Variants in WDR20 observed in about 807,000 individuals in gnomAD.
WDR20 encodes the protein WD repeat-containing protein 20.
Under a neutral mutation model 38.7 loss-of-function variants are expected in WDR20, and 3 were observed. The ratio of observed to expected loss-of-function variants is 0.08; its 90% CI spans 0.04 to 0.20. The LOEUF (loss-of-function observed/expected upper bound fraction) is 0.20, where lower values mean the gene tolerates loss of function less well. Among genes scored for constraint, WDR20 ranks in the 10% least tolerant of loss-of-function variants. The pLI, the probability that WDR20 is intolerant of heterozygous loss-of-function variation, is 1.00. For synonymous variants in WDR20, 298 were observed against 285.6 expected (o/e 1.04, Z -0.44); for missense variants, 559 against 727.7 (o/e 0.77, Z 2.67).
chr14:102,178,081 T>C (rs2062549640), intron 1 of WDR20, among the ~76,000 whole-genome samples: 1 of 152,128 alleles, frequency 6.6e-6, no homozygotes, highest in African/African-American at 2.4e-5. Context: ...GAGTTTGAGA[T>C]CTGTATATAT....
At chr14:102,143,771 C>T (rs2052430240) in intron 1 of WDR20, among the ~76,000 whole-genome samples, 1 of 151,972 alleles carries the variant, frequency 6.6e-6, no homozygotes, top group Non-Finnish European at 1.5e-5. Flanking sequence ...TCTCGAACTC[C>T]TGACCTCGTG....
At chr14:102,143,570 A>G (rs2152674520) in intron 1 of WDR20, among the ~76,000 whole-genome samples, 1 of 151,550 alleles carries the variant, frequency 6.6e-6, no homozygotes, top group Admixed American at 6.6e-5. Flanking sequence ...TTTGAGACAA[A>G]GTCTAGCTCT....
chr14:102,216,710 A>C (rs2063261649), downstream of WDR20, among the ~76,000 whole-genome samples: 1 of 152,144 alleles, frequency 6.6e-6, no homozygotes, highest in South Asian at 2.1e-4. Context: ...CGGGTGGATC[A>C]CCTGAGCCCA....
Position 102,187,815 on chromosome 14 carries a change from G to A in WDR20, c.250-7123G>A, listed in dbSNP as rs535848077. ...CCTTTGGGCAGGGGTGCCAGGCAGG[G>A]GACCCAACAGAGCGCCAAGTATAAA... On this transcript the variant is annotated intron_variant, in intron 1 of 2. Coordinates refer to ENST00000342702, the MANE Select transcript of WDR20 (RefSeq NM_144574.4). Among the ~76,000 whole-genome samples the A allele has an allele frequency of 8.5e-5, 13 of 152,278 alleles. 1 individual carries two copies. Among genetic ancestry groups the A allele is most frequent in the Admixed American group, 2.6e-4 (4 of 15,298 alleles).
intron 1 of WDR20, among the ~76,000 whole-genome samples, chr14:102,169,747 C>T (rs141458146): frequency 0.017 from 2,655 of 152,140 alleles, 41 homozygotes; most frequent in Admixed American, 0.029. Context: ...AGGCTGGTCT[C>T]GAACTCTTGA....
intron 1 of WDR20, among the ~76,000 whole-genome samples, chr14:102,154,812 A>G (rs565250586): frequency 6.6e-6 from 1 of 152,330 alleles, no homozygotes; most frequent in East Asian, 1.9e-4. Flanking sequence ...TTCACAGTCT[A>G]TAAAGCATTT....
chr14:102,170,740 C>T (rs909530175), intron 1 of WDR20, among the ~76,000 whole-genome samples: 2 of 151,838 alleles, frequency 1.3e-5, no homozygotes, highest in African/African-American at 4.8e-5. Flanking sequence ...GCGATCGTTC[C>T]ACCTCAGCCT....
intron 1 of WDR20, among the ~76,000 whole-genome samples, chr14:102,143,447 G>A (rs915098149): frequency 5.9e-5 from 9 of 151,874 alleles, no homozygotes; most frequent in Admixed American, 2.0e-4. Flanking sequence ...AGTGACTACT[G>A]TGATAGTAAT....
chr14:102,200,577 C>A (rs1466651102), intron 2 of WDR20, among the ~76,000 whole-genome samples: 4 of 150,466 alleles, frequency 2.7e-5, no homozygotes, highest in African/African-American at 7.3e-5. Context: ...GGAAGAGTTA[C>A]AAAGGGACAG....
At chr14:102,213,294 C>G (rs1344124501), downstream of WDR20, 5 of 985,336 alleles carry the variant, frequency 5.1e-6, no homozygotes, top group Admixed American at 6.1e-5. Context: ...AGCTTGCCTT[C>G]TTTTAAAAGC....
intron 1 of WDR20, among the ~76,000 whole-genome samples, chr14:102,162,176 A>G (rs955704754): frequency 3.9e-5 from 6 of 152,222 alleles, no homozygotes; most frequent in African/African-American, 1.4e-4. Flanking sequence ...CCCAGATGTA[A>G]TAGACATAGT....
At chr14:102,139,670 G>A (rs1485394850), upstream of WDR20, 2 of 653,158 alleles carry the variant, frequency 3.1e-6, no homozygotes, top group African/African-American at 1.8e-5. Context: ...CAGCCATGCC[G>A]CCCGGAGGCC....
At chr14:102,180,306 T>G (rs1245738693) in intron 1 of WDR20, among the ~76,000 whole-genome samples, 1 of 152,206 alleles carries the variant, frequency 6.6e-6, no homozygotes, top group African/African-American at 2.4e-5. Context: ...TTTGTGGAAG[T>G]GGTGGTATAT....
In WDR20 at chr14:102,209,902, T is replaced by G. The variant is rs45622942; in HGVS notation, c.*22T>G. 12,152 of 1,573,536 alleles carry G rather than the reference T, an allele frequency of 7.7e-3. 67 individuals are homozygous for G. The highest frequency in any genetic ancestry group is 0.012 in the South Asian group (1,019 of 85,676). ...TTAATGCTGCACCAGATCTAGAACTTGAATAGGTAGTGACTTTTTTCTTTT... is the reference window on the plus strand; with the variant it reads ...TTAATGCTGCACCAGATCTAGAACTGGAATAGGTAGTGACTTTTTTCTTTT... On this transcript the variant is annotated 3_prime_UTR_variant, in exon 3 of 3. Coordinates refer to ENST00000342702, the MANE Select transcript of WDR20 (RefSeq NM_144574.4). This position sits in a 1 kb window ranked among gnomAD's most constrained non-coding sequence, Gnocchi z 6.0.
At chr14:102,180,903 T>A (rs1380231925) in intron 1 of WDR20, among the ~76,000 whole-genome samples, 1 of 152,236 alleles carries the variant, frequency 6.6e-6, no homozygotes, top group Non-Finnish European at 1.5e-5. Context: ...TTTGCATACA[T>A]CCTTGCTGAC....
At chr14:102,143,116 G>C (rs1472792434) in intron 1 of WDR20, among the ~76,000 whole-genome samples, 1 of 152,038 alleles carries the variant, frequency 6.6e-6, no homozygotes, top group Non-Finnish European at 1.5e-5. Context: ...GCGAACCAAG[G>C]CCAGAGAGGG....
At chr14:102,216,781 T>C (rs563586092), downstream of WDR20, among the ~76,000 whole-genome samples, 154 of 152,154 alleles carry the variant, frequency 1.0e-3, no homozygotes, top group South Asian at 4.8e-3. Flanking sequence ...AATACAAAAA[T>C]TAGCCGGGCG....
chr14:102,145,018 A>G (rs1566780283), intron 1 of WDR20, among the ~76,000 whole-genome samples: 1 of 152,266 alleles, frequency 6.6e-6, no homozygotes, highest in East Asian at 1.9e-4. Context: ...CCTTCCTAGC[A>G]CTTTTCTGAA....
intron 1 of WDR20, among the ~76,000 whole-genome samples, chr14:102,161,136 A>T (rs868435271): frequency 3.0e-4 from 3 of 9,854 alleles, no homozygotes; most frequent in East Asian, 6.3e-3. Context: ...ATATATATAT[A>T]TATATATTTT....
Sources: gnomAD v4.1 joint callset for allele counts (sites outside exome capture counted in the v4.1 genomes callset) on GRCh38, gnomAD v4.1.1 for gene constraint, Gnocchi (gnomAD v3.1) non-coding constraint, MANE v1.5 for transcripts, NCBI Gene and HGNC (gene_info 2026-07-23, HGNC 2026-07-21) for gene names.